FTSJ1: variants seen among roughly 807,000 people sequenced by gnomAD.
FTSJ1 encodes FtsJ RNA 2'-O-methyltransferase 1, also known as tRNA (cytidine(32)/guanosine(34)-2'-O)-methyltransferase.
Under a neutral mutation model 28.5 loss-of-function variants are expected in FTSJ1, and 3 were observed. The observed-to-expected ratio is 0.11, with a 90% CI of 0.05 to 0.27. The LOEUF is 0.27. Ranked by LOEUF, FTSJ1 falls within the 10% of genes least tolerant of loss-of-function variation. The probability of loss-of-function intolerance (pLI) is 1.00; values close to 1 mark genes in which losing one functional copy is unlikely to be tolerated. For missense variants in FTSJ1, 162 were observed against 279.0 expected (o/e 0.58, Z 2.99); for synonymous variants, 104 against 113.9 (o/e 0.91, Z 0.55).
At chrX:48,483,695 A>G (rs1469557013) in intron 12 of FTSJ1, among the ~76,000 whole-genome samples, 1 of 111,177 alleles carries the variant, frequency 9.0e-6, no homozygotes, top group African/African-American at 3.3e-5. Context: ...CATGTTGCCC[A>G]GGCTGGTCTC....
rs782144681 is a variant in FTSJ1, at chrX:48,476,351, G to C, written c.-133G>C. ...GGACTTGTCGCCCGTTTGCGCTCTCGCCGAGGCACAGGCTGCTCGCGGACC... is the reference window on the plus strand; with the variant it reads ...GGACTTGTCGCCCGTTTGCGCTCTCCCCGAGGCACAGGCTGCTCGCGGACC... On this transcript the variant is annotated 5_prime_UTR_variant, in exon 1 of 13. Coordinates refer to ENST00000348411, the MANE Select transcript of FTSJ1 (RefSeq NM_012280.4). 1.9e-4 allele frequency: 56 copies of C among 297,093 alleles called. No individual in the cohort carries two copies. Among genetic ancestry groups the C allele is most frequent in the African/African-American group, 1.4e-3 (52 of 37,087 alleles). The allele number at this position is 297,093 out of a possible 1,213,427, so 24.5% of individuals were successfully genotyped here.
chrX:48,481,974 C>T (rs1247454742), intron 9 of FTSJ1, among the ~76,000 whole-genome samples: 3 of 112,248 alleles, frequency 2.7e-5, no homozygotes, highest in African/African-American at 9.7e-5. Context: ...CCAGGAGGAT[C>T]CTGAGCCCTG....
chrX:48,481,439 G>A lies in FTSJ1; in HGVS notation c.482G>A (p.Arg161Gln), dbSNP rs1335397228. 2 of 1,211,438 alleles carry A rather than the reference G, an allele frequency of 1.7e-6. No individual in the cohort carries two copies. The highest frequency in any genetic ancestry group is 3.0e-5 in the East Asian group (1 of 33,861). ...GCFVAKIFRG[R>Q]DVTLLYSQLQ... ...CTCACCCTGCAGATATTCCGAGGCC[G>A]GGATGTGACGCTCCTCTACAGCCAG... Residue 161 changes from arginine (R) to glutamine (Q), a missense_variant, in exon 8 of 13, where the codon CGG (arginine) becomes CAG (glutamine). Physicochemically the swap from Arg to Gln is conservative, Grantham distance 43 (BLOSUM62 1). Coordinates refer to ENST00000348411, the MANE Select transcript of FTSJ1 (RefSeq NM_012280.4).
Position 48,486,107 on chromosome X carries a change from T to A in FTSJ1, c.*381T>A, listed in dbSNP as rs1181829450. 5 of 112,312 alleles carry A rather than the reference T, an allele frequency of 4.5e-5. No individual in the cohort carries two copies. Among genetic ancestry groups the A allele is most frequent in the African/African-American group, 1.3e-4 (4 of 30,872 alleles). The allele number at this position is 112,312 out of a possible 1,213,427, so 9.3% of individuals were successfully genotyped here. A position where few individuals can be genotyped will look rare whatever the true frequency, so the allele number is the denominator to read the frequency against. On this transcript the variant is annotated 3_prime_UTR_variant, in exon 13 of 13. Transcript: ENST00000348411. ...ACTGAAATTTAGCCTTACTCCCAAG[T>A]TATAAATGCTGGCAACAAATCACAG...
intron 4 of FTSJ1, among the ~76,000 whole-genome samples, 158 bp from the exon 5 acceptor site, chrX:48,478,880 A>G (rs2061550598): frequency 8.9e-6 from 1 of 112,636 alleles, no homozygotes; most frequent in African/African-American, 3.2e-5. Context: ...ACAGCAGAAA[A>G]TGATGATGCT....
chrX:48,479,071 A>C lies in FTSJ1; in HGVS notation c.316A>C (p.Lys106Gln). ...STAKEIIQHF[K>Q]GCPADLVVCD... ...TGCCAAGGAGATCATCCAGCACTTTAAGGGCTGCCCTGCGGACCTAGTGGT... is the reference window on the plus strand; with the variant it reads ...TGCCAAGGAGATCATCCAGCACTTTCAGGGCTGCCCTGCGGACCTAGTGGT... Residue 106 changes from lysine to glutamine, a missense_variant, in exon 5 of 13, where the codon AAG (lysine) becomes CAG (glutamine). Physicochemically the swap from Lys to Gln is moderately conservative, Grantham distance 53. Transcript: ENST00000348411. 8.3e-7 allele frequency: 1 copy of C among 1,207,928 alleles called. No homozygotes were observed. The highest frequency in any genetic ancestry group is 2.2e-5 in the Admixed American group (1 of 46,103).
In FTSJ1 at chrX:48,482,597, C is replaced by A. The variant is rs782378957; in HGVS notation, c.760C>A (p.Leu254Ile). Residue 254 changes from leucine (L) to isoleucine (I), a missense_variant and splice_region_variant, in exon 11 of 13, where the codon CTA becomes ATA. Physicochemically the swap from Leu to Ile is conservative, Grantham distance 5. Transcript: ENST00000348411. ...YDSDRSYPLD[L>I]EGGSEYKYTP... is the part of the protein sequence containing the mutation. ...TCTCCCTACCCCTCTGTCCCTGCAG[C>A]TAGAGGGCGGCTCAGAGTACAAGTA... is the stretch of plus-strand genomic sequence containing the variant. 1.7e-6 allele frequency: 2 copies of A among 1,197,923 alleles called. No homozygotes were observed. Among genetic ancestry groups the A allele is most frequent in the South Asian group, 3.6e-5 (2 of 55,360 alleles).
Position 48,482,436 on chromosome X carries a change from G to A in FTSJ1, c.689G>A (p.Arg230His), listed in dbSNP as rs2061575313. 5.8e-6 allele frequency: 7 copies of A among 1,206,401 alleles called. No homozygotes were observed. The highest frequency in any genetic ancestry group is 1.7e-5 in the African/African-American group (1 of 57,501). ...TTCAACCAGCTGGATGGTCCCACCC[G>A]CATCATTGTGCCTTTTGTGACCTGT... ...PDFNQLDGPT[R>H]IIVPFVTCGD... Residue 230 changes from arginine to histidine, a missense_variant, in exon 10 of 13, where the codon CGC (arginine) becomes CAC (histidine). By Grantham distance (29) the Arg-to-His change is conservative. Transcript: ENST00000348411.
chrX:48,478,566 G>A (rs781828352), intron 3 of FTSJ1, 48 bp downstream of exon 3: 12 of 1,192,130 alleles, frequency 1.0e-5, no homozygotes, highest in Non-Finnish European at 1.1e-5. Context: ...CCGGCTGGGT[G>A]GGAGGGGCCC....
chrX:48,477,168 C>G (rs2061538021), intron 1 of FTSJ1, among the ~76,000 whole-genome samples: 1 of 110,922 alleles, frequency 9.0e-6, no homozygotes, highest in Non-Finnish European at 1.9e-5. Flanking sequence ...GAATAGTAAA[C>G]TGTTGGAGTG....
chrX:48,478,005 A>T lies in FTSJ1; in HGVS notation c.-43A>T. The T allele has an allele frequency of 8.3e-7, 1 of 1,211,251 alleles. No homozygotes were observed. Among genetic ancestry groups the T allele is most frequent in the East Asian group, 3.0e-5 (1 of 33,860 alleles). On this transcript the variant is annotated 5_prime_UTR_variant, in exon 2 of 13. Transcript: ENST00000348411. ...CATCTGGTTACTGATACTGGCCGGC[A>T]TCAGTGGACTGTCGGCAGGTCCTTG...
intron 1 of FTSJ1, chrX:48,476,671 A>G (rs2061534038): frequency 7.4e-6 from 1 of 134,789 alleles, no homozygotes; most frequent in Non-Finnish European, 1.5e-5. Flanking sequence ...TCTTTGAGGT[A>G]TTGATGAGGA....
chrX:48,479,738 G>C (rs1373672606), intron 5 of FTSJ1, among the ~76,000 whole-genome samples: 2 of 112,040 alleles, frequency 1.8e-5, no homozygotes, highest in Non-Finnish European at 3.8e-5. Flanking sequence ...AGTTACTCAG[G>C]AGGCTGAGGT....
intron 5 of FTSJ1, among the ~76,000 whole-genome samples, chrX:48,479,788 C>A (rs1208819483): frequency 8.9e-6 from 1 of 111,739 alleles, no homozygotes; most frequent in African/African-American, 3.3e-5. Context: ...GGTTACAGTA[C>A]ACTTTGATCG....
rs782154140 is a variant in FTSJ1 at position 48,478,438 on chromosome X, T to C, written c.122-11T>C. The C allele has an allele frequency of 8.3e-7, 1 of 1,205,878 alleles. No homozygotes were observed. The highest frequency in any genetic ancestry group is 3.0e-5 in the East Asian group (1 of 33,825). On this transcript the variant is annotated splice_polypyrimidine_tract_variant and intron_variant, in intron 2 of 12. Coordinates refer to ENST00000348411, the MANE Select transcript of FTSJ1 (RefSeq NM_012280.4). ...GCAGCTGATCAGGATGCTTTCACTATGTATGCCCAGGCGTGACACGGGCAG... is the reference window on the plus strand; with the variant it reads ...GCAGCTGATCAGGATGCTTTCACTACGTATGCCCAGGCGTGACACGGGCAG...
intron 11 of FTSJ1, 90 bp from the exon 12 acceptor site, chrX:48,482,896 C>G: frequency 8.3e-7 from 1 of 1,209,609 alleles, no homozygotes; most frequent in Non-Finnish European, 1.1e-6. Flanking sequence ...TTTCCTGCCT[C>G]CCAATAGCTA....
At chrX:48,480,790 A>G (rs782439328) in intron 5 of FTSJ1, among the ~76,000 whole-genome samples, 21 of 111,273 alleles carry the variant, frequency 1.9e-4, no homozygotes, top group Non-Finnish European at 3.6e-4. Context: ...TTGAACAATT[A>G]GAAAGCTCAG....
At chrX:48,481,109 G>T in intron 5 of FTSJ1, 42 bp from the exon 6 acceptor site, 1 of 1,124,821 alleles carries the variant, frequency 8.9e-7, no homozygotes, top group Non-Finnish European at 1.2e-6. Context: ...AAGATGCACA[G>T]AGCCAGATGG....
chrX:48,482,832 C>T, intron 11 of FTSJ1, 38 bp downstream of exon 11: 1 of 1,205,053 alleles, frequency 8.3e-7, no homozygotes, highest in Non-Finnish European at 1.1e-6. Flanking sequence ...TTGACCCCTT[C>T]CCCGTGTGCC....
Sources: gnomAD v4.1 joint callset for allele counts (sites outside exome capture counted in the v4.1 genomes callset) on GRCh38, gnomAD v4.1.1 for gene constraint, MANE v1.5 for transcripts, NCBI Gene and HGNC (gene_info 2026-07-23, HGNC 2026-07-21) for gene names.